Variants in VEGFB observed in about 807,000 individuals in gnomAD.
VEGFB encodes the protein VEGF-related factor.
Under a neutral mutation model 22.5 loss-of-function variants are expected in VEGFB, and 24 were observed. That is an observed-to-expected ratio of 1.07 (90% CI 0.77 to 1.50). VEGFB has a LOEUF of 1.50. Ranked by LOEUF, VEGFB falls within the 40% of genes most tolerant of loss-of-function variation. The pLI, the probability that VEGFB is intolerant of heterozygous loss-of-function variation, is 0.00. For missense variants in VEGFB, 327 were observed against 287.8 expected (o/e 1.14, Z -0.99); for synonymous variants, 141 against 117.4 (o/e 1.20, Z -1.30).
rs1454453456 is a variant in VEGFB, at chr11:64,235,626, A to G, written c.103+126A>G. The G allele has an allele frequency of 3.9e-6, 5 of 1,291,848 alleles. No individual in the cohort carries two copies. The African/African-American group carries it at 4.4e-5, about 11-fold the overall frequency. 80.0% of individuals were successfully genotyped at this position (1,291,848 alleles called of 1,614,324 possible). The stretch of plus-strand genomic sequence containing the variant: ...CAAACTATTATTCTACCCATTTCAC[A>G]GAGGAGGAAATTGAGGCAGTGGGGT... On this transcript the variant is annotated intron_variant, in intron 2 of 6. Coordinates refer to ENST00000309422, the MANE Select transcript of VEGFB (RefSeq NM_003377.5).
chr11:64,234,707 GC>G lies in VEGFB; in HGVS notation c.-121del, dbSNP rs1228410754. ...CTCGGGAGGGGGCCGCGGAGGAGTC[GC>G]CCCCCGCGCCCGGCCCCCGCCCGCC... is the stretch of plus-strand genomic sequence containing the variant. On this transcript the variant is annotated 5_prime_UTR_variant, in exon 1 of 7. Transcript: ENST00000309422. The surrounding 1 kb of genome is among the most constrained non-coding windows in gnomAD (Gnocchi z 5.3). 2 of 179,772 alleles carry G rather than the reference GC, an allele frequency of 1.1e-5. No homozygotes were observed. Among genetic ancestry groups the G allele is most frequent in the Non-Finnish European group, 2.0e-5 (2 of 97,830 alleles). The allele number at this position is 179,772 out of a possible 1,614,324, so 11.1% of individuals were successfully genotyped here. A position where few individuals can be genotyped will look rare whatever the true frequency, so the allele number is the denominator to read the frequency against.
Position 64,235,513 on chromosome 11 carries a change from A to G in VEGFB, c.103+13A>G, listed in dbSNP as rs765698037. 6.2e-7 allele frequency: 1 copy of G among 1,613,800 alleles called. No individual in the cohort carries two copies. The highest frequency in any genetic ancestry group is 8.5e-7 in the Non-Finnish European group (1 of 1,179,886). ...CACCAGAGGAAAGGTAATACTTACAAAAACTCGGCACTAGCCAGCACTAAG... is the reference window on the plus strand; with the variant it reads ...CACCAGAGGAAAGGTAATACTTACAGAAACTCGGCACTAGCCAGCACTAAG... On this transcript the variant is annotated intron_variant, in intron 2 of 6. Transcript: ENST00000309422.
At chr11:64,237,277 G>A in intron 5 of VEGFB, 55 bp downstream of exon 5, 1 of 1,556,438 alleles carries the variant, frequency 6.4e-7, no homozygotes, top group Non-Finnish European at 8.9e-7. Context: ...AGTGAGTCCA[G>A]AAGCTGTTGC....
chr11:64,237,675 GTGT>G lies in VEGFB; in HGVS notation c.*22+22_*22+24del. 6.6e-7 allele frequency: 1 copy of G among 1,504,656 alleles called. No homozygotes were observed. Among genetic ancestry groups the G allele is most frequent in the African/African-American group, 1.4e-5 (1 of 72,434 alleles). The allele number at this position is 1,504,656 out of a possible 1,614,324, so 93.2% of individuals were successfully genotyped here. On this transcript the variant is annotated intron_variant, in intron 6 of 6. Transcript: ENST00000309422. Reference sequence around the variant, plus strand: ...CTGCAGGTGAGGCGTCTGTGGGGTGGTGTTTGTTTGGGAAGGCACCAAGGCCCT... The same window carrying G: ...CTGCAGGTGAGGCGTCTGTGGGGTGGTTGTTTGGGAAGGCACCAAGGCCCT...
Position 64,237,031 on chromosome 11 carries a change from C to G in VEGFB, c.375-156C>G, listed in dbSNP as rs150972038. 6.4e-3 allele frequency: 3,680 copies of G among 571,780 alleles called. 203 individuals carry two copies. Among genetic ancestry groups the G allele is most frequent in the African/African-American group, 0.062 (3,319 of 53,708 alleles). The allele number at this position is 571,780 out of a possible 1,614,324, so 35.4% of individuals were successfully genotyped here. ...CTGGGAGGCGGAGGTTGCAGTGAGC[C>G]GAGACCACGCCACTGCACTCCAGCC... On this transcript the variant is annotated intron_variant, in intron 4 of 6. Coordinates refer to ENST00000309422, the MANE Select transcript of VEGFB (RefSeq NM_003377.5).
At chr11:64,235,068 C>T (rs938768269) in intron 1 of VEGFB, among the ~76,000 whole-genome samples, 175 bp downstream of exon 1, 2 of 152,038 alleles carry the variant, frequency 1.3e-5, no homozygotes, top group African/African-American at 4.8e-5. Context: ...TCCCCGCTGG[C>T]CCGCCAGCCC....
At chr11:64,236,131 G>C (rs2029994762) in intron 3 of VEGFB, 122 bp downstream of exon 3, 1 of 1,534,590 alleles carries the variant, frequency 6.5e-7, no homozygotes, top group African/African-American at 1.4e-5. Flanking sequence ...ACAGGAGACA[G>C]GGTTGGGGGG....
rs929229154 is a variant in VEGFB, at chr11:64,236,934, T to C, written c.375-253T>C. On this transcript the variant is annotated intron_variant, in intron 4 of 6. Transcript: ENST00000309422. ...TCTCTACTAAAAAAAAATACAAAAATTAGCCGCGCATGGTGGCAGGTGCCT... is the reference window on the plus strand; with the variant it reads ...TCTCTACTAAAAAAAAATACAAAAACTAGCCGCGCATGGTGGCAGGTGCCT... 2.2e-4 allele frequency among the ~76,000 whole-genome samples: 33 copies of C among 147,322 alleles called. 1 individual carries two copies. Among genetic ancestry groups the C allele is most frequent in the African/African-American group, 8.1e-4 (33 of 40,536 alleles).
rs2030264750 is a variant in VEGFB, at chr11:64,238,623, G to C, written c.*290G>C. ...GCAAGAGGGGTCACATACCAGCTCAGGGGAGAATGGAGTACTGTCTCAGTT... is the reference window on the plus strand; with the variant it reads ...GCAAGAGGGGTCACATACCAGCTCACGGGAGAATGGAGTACTGTCTCAGTT... On this transcript the variant is annotated 3_prime_UTR_variant, in exon 7 of 7. Coordinates refer to ENST00000309422, the MANE Select transcript of VEGFB (RefSeq NM_003377.5). The C allele has an allele frequency of 1.7e-6, 1 of 587,870 alleles. No individual in the cohort carries two copies. Among genetic ancestry groups the C allele is most frequent in the East Asian group, 2.8e-5 (1 of 35,406 alleles). The allele number at this position is 587,870 out of a possible 1,614,324, so 36.4% of individuals were successfully genotyped here.
chr11:64,237,123 G>GAGAGAGAGAGAGAAGA (rs1555056104), intron 4 of VEGFB, 64 bp from the exon 5 acceptor site: 1 of 657,900 alleles, frequency 1.5e-6, no homozygotes, highest in African/African-American at 2.6e-5. Context: ...GAGAGAGAGA[G>GAGAGAGAGAGAGAAGA]TAGGATGCTG....
At chr11:64,237,085 AAGAGAGAGAGAGAGAGAG>A (rs59541656) in intron 4 of VEGFB, 84 bp from the exon 5 acceptor site, 28,326 of 572,942 alleles carry the variant, frequency 0.049, 48 homozygotes, top group East Asian at 0.11. Flanking sequence ...CACAGTCTCA[AAGAGAGAGAGAGAGAGAG>A]AGAGAGAGAG....
rs1377973822 is a variant in VEGFB at position 64,237,592 on chromosome 11, G to A, written c.583G>A (p.Ala195Thr). 9 of 1,592,598 alleles carry A rather than the reference G, an allele frequency of 5.7e-6. No homozygotes were observed. The Admixed American group carries it at 1.5e-4, about 27-fold the overall frequency. Residue 195 changes from alanine to threonine, a missense_variant, in exon 6 of 7, where the codon GCC becomes ACC. By Grantham distance (58) the Ala-to-Thr change is moderately conservative (BLOSUM62 0). Transcript: ENST00000309422. Reference protein sequence around the residue: ...ALTPGPAAAAADAAASSVAKG... With the variant: ...ALTPGPAAAATDAAASSVAKG... ...GACCCCCGGACCTGCCGCTGCCGCT[G>A]CCGACGCCGCAGCTTCCTCCGTTGC...
rs61384522 is a variant in VEGFB at position 64,237,636 on chromosome 11, C to T, written c.*3C>T. The T allele has an allele frequency of 6.9e-4, 1,068 of 1,548,042 alleles. 7 individuals carry two copies. The African/African-American group carries it at 0.011, about 15-fold the overall frequency. On this transcript the variant is annotated 3_prime_UTR_variant, in exon 6 of 7. Coordinates refer to ENST00000309422, the MANE Select transcript of VEGFB (RefSeq NM_003377.5). ...CCGTTGCCAAGGGCGGGGCTTAGAG[C>T]TCAACCCAGACACCTGCAGGTGAGG...
At chr11:64,236,141 G>C in intron 3 of VEGFB, 113 bp from the exon 4 acceptor site, 2 of 1,536,318 alleles carry the variant, frequency 1.3e-6, no homozygotes, top group Non-Finnish European at 1.8e-6. Flanking sequence ...GGGTTGGGGG[G>C]AGGGCTGGTG....
chr11:64,235,905 A>G lies in VEGFB; in HGVS notation c.196A>G (p.Lys66Glu), dbSNP rs754718882. ...LTVELMGTVA[K>E]QLVPSCVTVQ... ...TGTGGAGCTCATGGGCACCGTGGCCAAACAGCTGGTGCCCAGCTGCGTGAC... is the reference window on the plus strand; with the variant it reads ...TGTGGAGCTCATGGGCACCGTGGCCGAACAGCTGGTGCCCAGCTGCGTGAC... Residue 66 changes from lysine to glutamate, a missense_variant, in exon 3 of 7, where the codon AAA becomes GAA. Lys to Glu is a moderately conservative substitution (Grantham distance 56). Transcript: ENST00000309422. 1 of 1,613,794 alleles carries G rather than the reference A, an allele frequency of 6.2e-7. No homozygotes were observed. Among genetic ancestry groups the G allele is most frequent in the Non-Finnish European group, 8.5e-7 (1 of 1,180,002 alleles).
intron 4 of VEGFB, 28 bp downstream of exon 4, chr11:64,236,355 C>G (rs143512442): frequency 6.2e-7 from 1 of 1,610,442 alleles, no homozygotes; most frequent in Non-Finnish European, 8.5e-7. Context: ...CTTCTGAGCT[C>G]GCAGAGGCCA....
In VEGFB at chr11:64,234,904, C is replaced by A; in HGVS notation, c.60+11C>A. The A allele has an allele frequency of 7.8e-7, 1 of 1,282,458 alleles. No individual in the cohort carries two copies. The highest frequency in any genetic ancestry group is 2.5e-5 in the South Asian group (1 of 40,402). The allele number at this position is 1,282,458 out of a possible 1,614,324, so 79.4% of individuals were successfully genotyped here. On this transcript the variant is annotated intron_variant, in intron 1 of 6. Coordinates refer to ENST00000309422, the MANE Select transcript of VEGFB (RefSeq NM_003377.5). The surrounding 1 kb of genome is among the most constrained non-coding windows in gnomAD (Gnocchi z 5.3). The stretch of plus-strand genomic sequence containing the variant: ...CTGGCCCCCGCCCAGGTACGTGCGG[C>A]CCGACAGCGCGCCCGCCCGCCCGCC...
chr11:64,237,491 C>A lies in VEGFB; in HGVS notation c.482C>A (p.Ser161Tyr). The change falls in exon 6 of 7, where the codon TCC becomes TAC. Residue 161 changes from serine to tyrosine, a missense_variant. Ser to Tyr is a moderately radical substitution (Grantham distance 144). Coordinates refer to ENST00000309422, the MANE Select transcript of VEGFB (RefSeq NM_003377.5). ...PGWDSAPGAPSPADITHPTPA... is the reference protein window; with the variant it reads ...PGWDSAPGAPYPADITHPTPA... ...TGGGACTCTGCCCCCGGAGCACCCTCCCCAGCTGACATCACCCATCCCACT... is the reference window on the plus strand; with the variant it reads ...TGGGACTCTGCCCCCGGAGCACCCTACCCAGCTGACATCACCCATCCCACT... The A allele has an allele frequency of 6.2e-7, 1 of 1,612,478 alleles. No individual in the cohort carries two copies. The highest frequency in any genetic ancestry group is 2.2e-5 in the East Asian group (1 of 44,862).
rs760496939 is a variant in VEGFB, at chr11:64,237,602, C to T, written c.593C>T (p.Ala198Val). The change falls in exon 6 of 7, where the codon GCA becomes GTA. Residue 198 changes from alanine to valine, a missense_variant. Physicochemically the swap from Ala to Val is moderately conservative, Grantham distance 64. Transcript: ENST00000309422. ...CCTGCCGCTGCCGCTGCCGACGCCG[C>T]AGCTTCCTCCGTTGCCAAGGGCGGG... ...PGPAAAAADA[A>V]ASSVAKGGA 6 of 1,586,134 alleles carry T rather than the reference C, an allele frequency of 3.8e-6. No individual in the cohort carries two copies. The highest frequency in any genetic ancestry group is 2.2e-5 in the South Asian group (2 of 89,538).
Sources: gnomAD v4.1 joint callset for allele counts (sites outside exome capture counted in the v4.1 genomes callset) on GRCh38, gnomAD v4.1.1 for gene constraint, Gnocchi (gnomAD v3.1) non-coding constraint, MANE v1.5 for transcripts, NCBI Gene and HGNC (gene_info 2026-07-23, HGNC 2026-07-21) for gene names.